Variants in RABEP1 observed in about 807,000 individuals in gnomAD.
The protein encoded by RABEP1 is rabaptin, RAB GTPase binding effector protein 1, also known as rab GTPase-binding effector protein 1.
Under a neutral mutation model 123.4 loss-of-function variants are expected in RABEP1, and 51 were observed. The observed-to-expected ratio is 0.41, with a 90% CI of 0.33 to 0.52. The LOEUF (loss-of-function observed/expected upper bound fraction) is 0.52, where lower values mean the gene tolerates loss of function less well. Ranked by LOEUF, RABEP1 falls within the 20% of genes least tolerant of loss-of-function variation. RABEP1 has a pLI of 0.16. For missense variants in RABEP1, 888 were observed against 996.3 expected (o/e 0.89, Z 1.46); for synonymous variants, 347 against 355.2 (o/e 0.98, Z 0.26).
intron 1 of RABEP1, among the ~76,000 whole-genome samples, chr17:5,286,456 T>C (rs2074978689): frequency 6.6e-6 from 1 of 152,038 alleles, no homozygotes; most frequent in South Asian, 2.1e-4. Context: ...ATCGTGCCAC[T>C]GCACTCCAGC....
intron 13 of RABEP1, among the ~76,000 whole-genome samples, 195 bp downstream of exon 13, chr17:5,373,649 A>G (rs1031604697): frequency 6.6e-6 from 1 of 150,866 alleles, no homozygotes; most frequent in African/African-American, 2.4e-5. Flanking sequence ...GAACATTTTC[A>G]TCACCTCAAG....
At chr17:5,318,108 T>C (rs1406846495) in intron 2 of RABEP1, among the ~76,000 whole-genome samples, 1 of 152,202 alleles carries the variant, frequency 6.6e-6, no homozygotes, top group East Asian at 1.9e-4. Context: ...CTGAGTTCTG[T>C]GAGCCCATTA....
chr17:5,343,841 A>G (rs561891899), intron 5 of RABEP1, among the ~76,000 whole-genome samples: 1 of 151,596 alleles, frequency 6.6e-6, no homozygotes, highest in Non-Finnish European at 1.5e-5. Context: ...GCACCTGGCT[A>G]ATTTTTGTAT....
At chr17:5,360,301 G>T (rs578223385) in intron 8 of RABEP1, among the ~76,000 whole-genome samples, 14 of 152,356 alleles carry the variant, frequency 9.2e-5, no homozygotes, top group African/African-American at 3.4e-4. Flanking sequence ...GGTGGCTCAC[G>T]CCTGTAATCC....
At chr17:5,353,421 G>T (rs1908740196) in intron 7 of RABEP1, among the ~76,000 whole-genome samples, 1 of 152,034 alleles carries the variant, frequency 6.6e-6, no homozygotes, top group African/African-American at 2.4e-5. Context: ...TCCTCCCTAG[G>T]CTGTTTTACG....
intron 2 of RABEP1, among the ~76,000 whole-genome samples, chr17:5,320,262 C>G (rs2075340085): frequency 6.6e-6 from 1 of 151,786 alleles, no homozygotes; most frequent in South Asian, 2.1e-4. Flanking sequence ...AATTTAACAT[C>G]TAAGAATTGT....
chr17:5,308,937 C>A, intron 2 of RABEP1, 115 bp downstream of exon 2: 2 of 1,079,502 alleles, frequency 1.9e-6, no homozygotes, highest in East Asian at 2.7e-5. Context: ...TTTGTACTTG[C>A]ATAATAAAAG....
chr17:5,336,175 T>G (rs111234912), intron 4 of RABEP1, among the ~76,000 whole-genome samples: 2 of 152,334 alleles, frequency 1.3e-5, no homozygotes, highest in African/African-American at 4.8e-5. Context: ...AGTAATTGAT[T>G]TTTCTTTTCA....
intron 7 of RABEP1, among the ~76,000 whole-genome samples, chr17:5,351,989 T>G (rs190730544): frequency 3.3e-5 from 5 of 152,264 alleles, no homozygotes; most frequent in Non-Finnish European, 5.9e-5. Flanking sequence ...TTGACCGTAT[T>G]GTGTATATGT....
chr17:5,289,203 T>C (rs2144443277), intron 1 of RABEP1, among the ~76,000 whole-genome samples: 1 of 151,566 alleles, frequency 6.6e-6, no homozygotes, highest in African/African-American at 2.4e-5. Context: ...CTACTATGAG[T>C]TGCTGTTTCA....
At chr17:5,366,348 T>G (rs987965342) in intron 11 of RABEP1, among the ~76,000 whole-genome samples, 1 of 152,240 alleles carries the variant, frequency 6.6e-6, no homozygotes, top group Non-Finnish European at 1.5e-5. Context: ...TATTTTACTT[T>G]TTTTGGTCTT....
intron 5 of RABEP1, among the ~76,000 whole-genome samples, chr17:5,343,043 T>A (rs569394519): frequency 6.6e-6 from 1 of 152,260 alleles, no homozygotes; most frequent in East Asian, 1.9e-4. Flanking sequence ...GTGGGTCACC[T>A]GAGGTCAGGA....
At chr17:5,365,697 C>G (rs1909950377) in intron 11 of RABEP1, among the ~76,000 whole-genome samples, 1 of 152,212 alleles carries the variant, frequency 6.6e-6, no homozygotes, top group African/African-American at 2.4e-5. Flanking sequence ...GCACTTACAA[C>G]TCCCTCCCGA....
chr17:5,347,366 C>T (rs960625705), intron 6 of RABEP1, among the ~76,000 whole-genome samples: 2 of 152,148 alleles, frequency 1.3e-5, no homozygotes, highest in Non-Finnish European at 2.9e-5. Flanking sequence ...GCCAAGCTCA[C>T]ACCACTGCAC....
chr17:5,353,591 T>G (rs1908753819), intron 7 of RABEP1, among the ~76,000 whole-genome samples: 1 of 152,176 alleles, frequency 6.6e-6, no homozygotes, highest in African/African-American at 2.4e-5. Context: ...CTCATGCCTG[T>G]AGTCCCAACG....
intron 2 of RABEP1, among the ~76,000 whole-genome samples, chr17:5,316,269 G>A (rs575662018): frequency 1.3e-5 from 2 of 151,794 alleles, no homozygotes; most frequent in East Asian, 2.0e-4. Context: ...TGGGAAACAT[G>A]GTGAAACCGT....
Position 5,378,628 on chromosome 17 carries a change from C to T in RABEP1, c.2271+396C>T, listed in dbSNP as rs1039468272. On this transcript the variant is annotated intron_variant, in intron 15 of 17. Transcript: ENST00000537505. ...ATCATTAGTTCCTTTCATAGTAACC[C>T]CATTCAACTTCCTGACCTCACTGTT... The T allele has an allele frequency of 1.2e-4, 29 of 248,470 alleles. No homozygotes were observed. In the South Asian group the frequency reaches 1.3e-3, roughly 11 times the overall value. The allele number at this position is 248,470 out of a possible 1,614,324, so 15.4% of individuals were successfully genotyped here.
At chr17:5,319,548 G>A (rs925324713) in intron 2 of RABEP1, among the ~76,000 whole-genome samples, 13 of 151,828 alleles carry the variant, frequency 8.6e-5, no homozygotes, top group African/African-American at 2.4e-4. Flanking sequence ...TGTATTTTTA[G>A]TAGAGATGGG....
chr17:5,342,743 A>T lies in RABEP1; in HGVS notation c.649-4047A>T, dbSNP rs1457772785. 3.3e-5 allele frequency among the ~76,000 whole-genome samples: 5 copies of T among 152,318 alleles called. No individual in the cohort carries two copies. In the South Asian group the frequency reaches 6.2e-4, roughly 19 times the overall value. ...CATATAGAGAAGTGAAGGAACAGGA[A>T]AATACTTAGCAAAATTTTGAAGACA... On this transcript the variant is annotated intron_variant, in intron 5 of 17. Transcript: ENST00000537505.
Sources: allele counts gnomAD v4.1 joint callset (sites outside exome capture counted in the v4.1 genomes callset), GRCh38; gene constraint gnomAD v4.1.1; transcripts MANE v1.5; gene names NCBI Gene and HGNC (gene_info 2026-07-23, HGNC 2026-07-21).